Variants in SOS2 observed in about 807,000 individuals in gnomAD.
SOS2 encodes son of sevenless homolog 2.
A neutral mutation model predicts 148.2 loss-of-function variants in SOS2; 65 were observed. The observed-to-expected ratio is 0.44, with a 90% CI of 0.36 to 0.54. The LOEUF (loss-of-function observed/expected upper bound fraction) is 0.54. Ranked by LOEUF, SOS2 falls within the 20% of genes least tolerant of loss-of-function variation. SOS2 has a pLI of 0.00. For missense variants in SOS2, 1,341 were observed against 1,590.2 expected (o/e 0.84, Z 2.67); for synonymous variants, 539 against 537.1 (o/e 1.00, Z -0.05).
chr14:50,203,100 A>G (rs982886197), intron 2 of SOS2, among the ~76,000 whole-genome samples: 1 of 152,246 alleles, frequency 6.6e-6, no homozygotes, highest in Non-Finnish European at 1.5e-5. Context: ...TCAAGGCTAC[A>G]GTGAGCTATG....
rs767021707 is a variant in SOS2 at position 50,139,900 on chromosome 14, CACACGCTCACCCT to C, written c.2785+29_2785+41del. 1,065 of 973,644 alleles carry C rather than the reference CACACGCTCACCCT, an allele frequency of 1.1e-3. 1 individual carries two copies. Among genetic ancestry groups the C allele is most frequent in the Non-Finnish European group, 1.6e-3 (989 of 608,782 alleles). 60.3% of individuals were successfully genotyped at this position (973,644 alleles called of 1,614,324 possible). On this transcript the variant is annotated intron_variant, in intron 17 of 22. Transcript: ENST00000216373. ...CTGAAGACTGCTCTCTTTTGGCTATCACACGCTCACCCTCAAAATATATCCATATTTAGTAACT... is the reference window on the plus strand; with the variant it reads ...CTGAAGACTGCTCTCTTTTGGCTATCCAAAATATATCCATATTTAGTAACT...
intron 4 of SOS2, among the ~76,000 whole-genome samples, chr14:50,191,264 A>C (rs919564578): frequency 6.6e-6 from 1 of 152,146 alleles, no homozygotes; most frequent in African/African-American, 2.4e-5. Context: ...CAGGCATTCA[A>C]GACCAGCCTG....
intron 1 of SOS2, among the ~76,000 whole-genome samples, chr14:50,207,973 G>A (rs1392787613): frequency 2.6e-5 from 4 of 151,602 alleles, no homozygotes; most frequent in Admixed American, 2.6e-4. Flanking sequence ...AAAGCCATTT[G>A]AAAAATATTC....
intron 1 of SOS2, among the ~76,000 whole-genome samples, chr14:50,216,078 A>G (rs889362183): frequency 7.0e-6 from 1 of 143,020 alleles, no homozygotes; most frequent in African/African-American, 2.6e-5. Flanking sequence ...TGTTTTCATT[A>G]TTAAATGTTT....
chr14:50,226,719 T>G (rs991696797), intron 1 of SOS2, among the ~76,000 whole-genome samples: 1 of 152,224 alleles, frequency 6.6e-6, no homozygotes, highest in Non-Finnish European at 1.5e-5. Context: ...AAAACAGCCA[T>G]GTTCTTTTCT....
At chr14:50,193,901 C>T (rs528714748) in intron 4 of SOS2, among the ~76,000 whole-genome samples, 6 of 152,176 alleles carry the variant, frequency 3.9e-5, no homozygotes, top group South Asian at 4.1e-4. Context: ...ATCGCCACCA[C>T]GTCTGGACGA....
chr14:50,123,672 C>T (rs1883594592), intron 21 of SOS2, among the ~76,000 whole-genome samples: 3 of 150,698 alleles, frequency 2.0e-5, no homozygotes, highest in African/African-American at 4.9e-5. Context: ...GGTGAGCCAC[C>T]GTACCCGGCC....
At chr14:50,128,177 T>TTTCTAGGATGACAATGAAAGAAAG (rs1883743660) in intron 21 of SOS2, among the ~76,000 whole-genome samples, 2 of 151,942 alleles carry the variant, frequency 1.3e-5, no homozygotes, top group African/African-American at 2.4e-5. Flanking sequence ...GCAAAGGGAA[T>TTTCTAGGATGACAATGAAAGAAAG]TTCTAGGATG....
At chr14:50,207,597 C>A (rs1304916955) in intron 1 of SOS2, among the ~76,000 whole-genome samples, 1 of 150,756 alleles carries the variant, frequency 6.6e-6, no homozygotes, top group Non-Finnish European at 1.5e-5. Flanking sequence ...AACTAAATTC[C>A]ATAATGTATA....
At position 50,122,391 on chromosome 14, in the gene SOS2, C is replaced by CTTTTTTTTTTTTTTCTTTTTT. The variant is rs1883542725; in HGVS notation, c.3380-2008_3380-2007insAAAAAAGAAAAAAAAAAAAAA. 1.6e-3 allele frequency among the ~76,000 whole-genome samples: 141 copies of CTTTTTTTTTTTTTTCTTTTTT among 88,288 alleles called. 7 individuals carry two copies. Among genetic ancestry groups the CTTTTTTTTTTTTTTCTTTTTT allele is most frequent in the African/African-American group, 6.3e-3 (132 of 20,914 alleles). 57.9% of individuals were successfully genotyped at this position (88,288 alleles called of 152,430 possible). On this transcript the variant is annotated intron_variant, in intron 21 of 22. Transcript: ENST00000216373. ...ATGAAGAGTGAAAAAGAACCCTGGG[C>CTTTTTTTTTTTTTTCTTTTTT]TTTTTTTTTTTTTTTTTTTTTTGAG...
intron 8 of SOS2, among the ~76,000 whole-genome samples, chr14:50,173,547 A>G (rs994127680): frequency 6.6e-6 from 1 of 151,980 alleles, no homozygotes; most frequent in East Asian, 1.9e-4. Flanking sequence ...TCAGCCTCCC[A>G]AGTAGCTGGG....
intron 8 of SOS2, among the ~76,000 whole-genome samples, chr14:50,172,806 CTTT>C (rs1436617829): frequency 6.6e-6 from 1 of 152,102 alleles, no homozygotes; most frequent in East Asian, 1.9e-4. Flanking sequence ...TTCCCTTGAT[CTTT>C]TAAAGGCAGG....
chr14:50,197,026 C>T (rs561784616), intron 4 of SOS2, among the ~76,000 whole-genome samples: 3 of 152,118 alleles, frequency 2.0e-5, no homozygotes, highest in East Asian at 1.9e-4. Flanking sequence ...AGCACACGCC[C>T]GGATAATTTT....
intron 2 of SOS2, among the ~76,000 whole-genome samples, chr14:50,202,298 T>C (rs1257956251): frequency 6.6e-6 from 1 of 152,216 alleles, no homozygotes; most frequent in Non-Finnish European, 1.5e-5. Context: ...AGTGATTCAT[T>C]GGCATGAAAA....
chr14:50,148,781 A>G lies in SOS2; in HGVS notation c.2384+1227T>C, dbSNP rs189513484. On this transcript the variant is annotated intron_variant, in intron 14 of 22. Coordinates refer to ENST00000216373, the MANE Select transcript of SOS2 (RefSeq NM_006939.4). ...AAATTCTAAAGAACATAAAGTAAACATAATGTAGTAAAGGTACCTTACTAT... is the reference window on the plus strand; with the variant it reads ...AAATTCTAAAGAACATAAAGTAAACGTAATGTAGTAAAGGTACCTTACTAT... 7.2e-5 allele frequency among the ~76,000 whole-genome samples: 11 copies of G among 152,376 alleles called. No homozygotes were observed. The East Asian group carries it at 2.1e-3, about 29-fold the overall frequency.
At chr14:50,158,922 C>T (rs368237341) in intron 10 of SOS2, among the ~76,000 whole-genome samples, 1 of 152,004 alleles carries the variant, frequency 6.6e-6, no homozygotes, top group South Asian at 2.1e-4. Flanking sequence ...AGGTGGCTCA[C>T]GCCTATAATC....
chr14:50,160,666 C>T (rs1002640350), intron 9 of SOS2, among the ~76,000 whole-genome samples: 4 of 152,100 alleles, frequency 2.6e-5, no homozygotes, highest in Non-Finnish European at 4.4e-5. Flanking sequence ...GGATTATAGG[C>T]GTGAGCCACC....
intron 4 of SOS2, among the ~76,000 whole-genome samples, chr14:50,197,982 C>T (rs1224467733): frequency 8.0e-5 from 12 of 149,244 alleles, no homozygotes; most frequent in African/African-American, 2.7e-4. Flanking sequence ...GATCCACCAC[C>T]TGGCCTGCTT....
At chr14:50,230,577 GTGAAGACAC>G (rs1029374197) in intron 1 of SOS2, among the ~76,000 whole-genome samples, 35 of 152,200 alleles carry the variant, frequency 2.3e-4, no homozygotes, top group Admixed American at 1.1e-3. Context: ...CAATTTGGTC[GTGAAGACAC>G]TGAAGACACT....
Sources: allele counts gnomAD v4.1 joint callset (sites outside exome capture counted in the v4.1 genomes callset), GRCh38; gene constraint gnomAD v4.1.1; transcripts MANE v1.5; gene names NCBI Gene and HGNC (gene_info 2026-07-23, HGNC 2026-07-21).